SLC8A1: variants seen among roughly 807,000 people sequenced by gnomAD.
SLC8A1 encodes the protein sodium/calcium exchanger 1.
Under a neutral mutation model 68.3 loss-of-function variants are expected in SLC8A1, and 18 were observed. The ratio of observed to expected loss-of-function variants is 0.26; its 90% CI spans 0.18 to 0.39. The LOEUF (loss-of-function observed/expected upper bound fraction) is 0.39. Ranked by LOEUF, SLC8A1 falls within the 10% of genes least tolerant of loss-of-function variation. The pLI is 1.00. For synonymous variants in SLC8A1, 475 were observed against 415.5 expected (o/e 1.14, Z -1.74); for missense variants, 985 against 1,156.7 (o/e 0.85, Z 2.15).
rs76045114 is a variant in SLC8A1, at chr2:40,266,295, T to C, written c.1809-88440A>G. On this transcript the variant is annotated intron_variant, in intron 2 of 7. Transcript: ENST00000406785. ...GCCAGCCTGAGCCTAACAGGTCCAA[T>C]CACATCTAAGGAACAGTTTCACCTA... Among the ~76,000 whole-genome samples the C allele has an allele frequency of 1.8e-3, 276 of 152,248 alleles. 2 individuals are homozygous for C. Among genetic ancestry groups the C allele is most frequent in the African/African-American group, 6.3e-3 (260 of 41,548 alleles).
intron 1 of SLC8A1, among the ~76,000 whole-genome samples, chr2:40,487,538 A>G (rs138584798): frequency 9.9e-5 from 15 of 152,196 alleles, no homozygotes; most frequent in African/African-American, 3.6e-4. Flanking sequence ...TCAAAGTGGC[A>G]TATAAAACCT....
At chr2:40,443,913 G>C (rs1700972052) in intron 1 of SLC8A1, among the ~76,000 whole-genome samples, 1 of 152,180 alleles carries the variant, frequency 6.6e-6, no homozygotes, top group Admixed American at 6.5e-5. Context: ...AGTCAGCTGA[G>C]CTACTAAATG....
At chr2:40,441,845 G>T (rs1191642381) in intron 1 of SLC8A1, among the ~76,000 whole-genome samples, 1 of 151,726 alleles carries the variant, frequency 6.6e-6, no homozygotes, top group African/African-American at 2.4e-5. Context: ...ACCATTCAGG[G>T]CATGGGTATG....
intron 2 of SLC8A1, among the ~76,000 whole-genome samples, chr2:40,395,846 G>C (rs1445185821): frequency 6.6e-6 from 1 of 152,096 alleles, no homozygotes; most frequent in South Asian, 2.1e-4. Context: ...AGAAGGTCCT[G>C]CTCTAAATAA....
intron 2 of SLC8A1, among the ~76,000 whole-genome samples, chr2:40,296,229 G>T (rs183203047): frequency 1.3e-5 from 2 of 152,238 alleles, no homozygotes; most frequent in East Asian, 3.9e-4. Context: ...ATACATGCTA[G>T]AAAGTGCTTC....
chr2:40,324,227 T>G (rs2075555358), intron 2 of SLC8A1, among the ~76,000 whole-genome samples: 1 of 152,024 alleles, frequency 6.6e-6, no homozygotes, highest in African/African-American at 2.4e-5. Context: ...CGATACTGGG[T>G]TAAAAGTAGA....
intron 2 of SLC8A1, among the ~76,000 whole-genome samples, chr2:40,235,917 A>T (rs1383964138): frequency 2.0e-5 from 3 of 151,616 alleles, no homozygotes; most frequent in Non-Finnish European, 2.9e-5. Flanking sequence ...GTTTTGAGTG[A>T]GATTCTTAAT....
chr2:40,108,259 C>T (rs2034336072), exon 8 of SLC8A1: 1 of 151,432 alleles, frequency 6.6e-6, no homozygotes, highest in Non-Finnish European at 1.5e-5. Flanking sequence ...CTACAAATAA[C>T]TCAATAATTT....
intron 2 of SLC8A1, chr2:40,195,743 G>A (rs750582824): frequency 7.2e-5 from 11 of 152,002 alleles, no homozygotes; most frequent in Non-Finnish European, 1.2e-4. Flanking sequence ...TATTAACAGC[G>A]TATTTGTACA....
chr2:40,258,746 G>A (rs760729516), intron 2 of SLC8A1, among the ~76,000 whole-genome samples: 4 of 152,082 alleles, frequency 2.6e-5, no homozygotes, highest in Admixed American at 6.6e-5. Context: ...AAAGGATGAC[G>A]CAGGAGAATC....
intron 1 of SLC8A1, among the ~76,000 whole-genome samples, chr2:40,493,572 T>C (rs1371324951): frequency 6.6e-6 from 1 of 150,626 alleles, no homozygotes; most frequent in Non-Finnish European, 1.5e-5. Context: ...TTTACAAAGA[T>C]CACAAAACTT....
At chr2:40,181,273 C>G (rs940666090) in intron 2 of SLC8A1, among the ~76,000 whole-genome samples, 1 of 152,144 alleles carries the variant, frequency 6.6e-6, no homozygotes, top group African/African-American at 2.4e-5. Context: ...TTTCTATACT[C>G]TAAGTAGCTG....
intron 7 of SLC8A1, among the ~76,000 whole-genome samples, chr2:40,136,554 C>A (rs2040532077): frequency 6.6e-6 from 1 of 152,126 alleles, no homozygotes; most frequent in South Asian, 2.1e-4. Flanking sequence ...TAGGAAAGAG[C>A]CCTTCTGTTT....
chr2:40,331,047 G>A (rs1217801468), intron 2 of SLC8A1, among the ~76,000 whole-genome samples: 30 of 152,156 alleles, frequency 2.0e-4, no homozygotes, highest in Admixed American at 1.9e-3. Context: ...GTAGATGCTA[G>A]GAGCATCAGC....
chr2:40,151,256 G>A (rs193016346), intron 6 of SLC8A1, among the ~76,000 whole-genome samples: 5 of 132,744 alleles, frequency 3.8e-5, no homozygotes, highest in South Asian at 2.7e-4. Context: ...GAAACATGGC[G>A]TGTGTATGGT....
intron 2 of SLC8A1, among the ~76,000 whole-genome samples, chr2:40,227,506 A>C (rs895009572): frequency 2.0e-5 from 3 of 152,076 alleles, no homozygotes; most frequent in African/African-American, 7.2e-5. Context: ...TACAAGTGGG[A>C]GCTAAATGAT....
intron 4 of SLC8A1, 30 bp downstream of exon 7, chr2:40,170,251 G>T (rs775969730): frequency 6.3e-7 from 1 of 1,595,788 alleles, no homozygotes; most frequent in East Asian, 2.2e-5. Flanking sequence ...GGGAGGCTGT[G>T]GTTTTCAAGG....
chr2:40,312,848 G>A (rs559082811), intron 2 of SLC8A1, among the ~76,000 whole-genome samples: 11 of 152,032 alleles, frequency 7.2e-5, no homozygotes, highest in East Asian at 1.9e-4. Flanking sequence ...TCTAGAGATC[G>A]ATTGTTCCAG....
chr2:40,304,645 A>G (rs1219046211), intron 2 of SLC8A1, among the ~76,000 whole-genome samples: 1 of 152,038 alleles, frequency 6.6e-6, no homozygotes, highest in Non-Finnish European at 1.5e-5. Context: ...AACTGCCTAG[A>G]GTCTCGTCGT....
Sources: gnomAD v4.1 joint callset for allele counts (sites outside exome capture counted in the v4.1 genomes callset) on GRCh38, gnomAD v4.1.1 for gene constraint, MANE v1.5 for transcripts, NCBI Gene and HGNC (gene_info 2026-07-23, HGNC 2026-07-21) for gene names.